The following TAFA1 variants were observed in gnomAD, a reference collection of about 807,000 sequenced individuals.
TAFA1 encodes chemokine-like protein TAFA-1.
In TAFA1, 4 loss-of-function variants were observed where a neutral mutation model predicts 18.5. That is an observed-to-expected ratio of 0.22 (90% confidence interval 0.11 to 0.49). The LOEUF is 0.49. Among genes scored for constraint, TAFA1 ranks in the 20% least tolerant of loss-of-function variants. The pLI, the probability that TAFA1 is intolerant of heterozygous loss-of-function variation, is 0.98. For synonymous variants in TAFA1, 56 were observed against 55.2 expected, an observed-to-expected ratio of 1.01 and a Z score of -0.06; for missense variants, 147 against 169.0, an observed-to-expected ratio of 0.87 and a Z score of 0.72.
rs1169442128 is a variant in TAFA1 at position 68,113,888 on chromosome 3, G to GTTTTT, written c.118+107148_118+107152dup. 4.0e-4 allele frequency among the ~76,000 whole-genome samples: 23 copies of GTTTTT among 57,880 alleles called. 6 individuals carry two copies. Among genetic ancestry groups the GTTTTT allele is most frequent in the East Asian group, 1.2e-3 (2 of 1,634 alleles). 38.0% of individuals were successfully genotyped at this position (57,880 alleles called of 152,430 possible). On this transcript the variant is annotated intron_variant, in intron 2 of 4. Coordinates refer to ENST00000478136, the MANE Select transcript of TAFA1 (RefSeq NM_213609.4). The stretch of plus-strand genomic sequence containing the variant: ...TGACAGTGTGACAGTTTGGGGTGTA[G>GTTTTT]TTTTTTTTGTTTTTTTTTTTTTTTT...
intron 2 of TAFA1, among the ~76,000 whole-genome samples, chr3:68,316,742 C>T (rs1039295274): frequency 6.6e-6 from 1 of 152,112 alleles, no homozygotes; most frequent in Non-Finnish European, 1.5e-5. Context: ...CAGTGTCTGC[C>T]ACATAGTAGG....
chr3:68,170,512 T>C (rs567414766), intron 2 of TAFA1, among the ~76,000 whole-genome samples: 40 of 152,290 alleles, frequency 2.6e-4, no homozygotes, highest in Admixed American at 1.3e-3. Flanking sequence ...AACTGGGATA[T>C]GAGATATCCA....
chr3:68,252,235 C>G (rs2067210370), intron 2 of TAFA1, among the ~76,000 whole-genome samples: 1 of 152,138 alleles, frequency 6.6e-6, no homozygotes, highest in Non-Finnish European at 1.5e-5. Context: ...GCTCCTGCTA[C>G]TATTCAGGTT....
Position 68,470,513 on chromosome 3 carries a change from T to A in TAFA1, c.259+53093T>A, listed in dbSNP as rs144341627. ...TGAATGTCTTTGCATAAAATGCTGA[T>A]AGTGATATGGACATTAAAGTTCAGG... On this transcript the variant is annotated intron_variant, in intron 3 of 4. Transcript: ENST00000478136. 1.2e-3 allele frequency among the ~76,000 whole-genome samples: 183 copies of A among 152,294 alleles called. 5 individuals carry two copies. The East Asian group carries it at 0.033, about 28-fold the overall frequency.
intron 2 of TAFA1, among the ~76,000 whole-genome samples, chr3:68,179,827 C>T (rs1319720519): frequency 1.3e-5 from 2 of 151,926 alleles, no homozygotes; most frequent in East Asian, 3.9e-4. Flanking sequence ...TGAATGCATG[C>T]TCCTGAAATT....
intron 2 of TAFA1, among the ~76,000 whole-genome samples, chr3:68,262,794 A>C (rs1288344482): frequency 6.6e-6 from 1 of 152,138 alleles, no homozygotes; most frequent in African/African-American, 2.4e-5. Flanking sequence ...TTGTGTATAT[A>C]CCCAGTAATG....
intron 2 of TAFA1, among the ~76,000 whole-genome samples, chr3:68,168,120 T>C (rs2066007133): frequency 8.2e-6 from 1 of 121,854 alleles, no homozygotes; most frequent in African/African-American, 3.0e-5. Context: ...TGTTTATTTG[T>C]CCTAATAAGC....
At chr3:68,518,861 A>G (rs56207105) in intron 3 of TAFA1, among the ~76,000 whole-genome samples, 3 of 152,344 alleles carry the variant, frequency 2.0e-5, no homozygotes, top group African/African-American at 7.2e-5. Flanking sequence ...ATGTCAGATG[A>G]GTACAACACT....
chr3:68,311,725 T>C (rs1039523464), intron 2 of TAFA1, among the ~76,000 whole-genome samples: 1 of 152,176 alleles, frequency 6.6e-6, no homozygotes, highest in African/African-American at 2.4e-5. Flanking sequence ...TCAGAAACTG[T>C]TGTTGAGTGT....
chr3:68,089,773 C>T (rs1279231445), intron 2 of TAFA1, among the ~76,000 whole-genome samples: 1 of 152,138 alleles, frequency 6.6e-6, no homozygotes, highest in African/African-American at 2.4e-5. Context: ...ATAATTCAGC[C>T]ATCTGTATTT....
chr3:68,383,691 C>T (rs573826142), intron 2 of TAFA1, among the ~76,000 whole-genome samples: 1 of 152,178 alleles, frequency 6.6e-6, no homozygotes, highest in Admixed American at 6.5e-5. Flanking sequence ...ATGATGCTTA[C>T]CACATAGAAT....
intron 3 of TAFA1, among the ~76,000 whole-genome samples, chr3:68,469,254 A>C (rs2106942824): frequency 6.6e-6 from 1 of 152,304 alleles, no homozygotes; most frequent in African/African-American, 2.4e-5. Context: ...TATTGAAAGA[A>C]GAAATTTGAC....
At chr3:68,422,430 C>T (rs2070973307) in intron 3 of TAFA1, among the ~76,000 whole-genome samples, 2 of 152,050 alleles carry the variant, frequency 1.3e-5, no homozygotes, top group Non-Finnish European at 2.9e-5. Flanking sequence ...AGTGAATTTC[C>T]CATGGTAAGT....
At chr3:68,039,398 C>T (rs1461530741) in intron 2 of TAFA1, among the ~76,000 whole-genome samples, 1 of 152,094 alleles carries the variant, frequency 6.6e-6, no homozygotes, top group Admixed American at 6.6e-5. Flanking sequence ...AATCAACTTT[C>T]TGTGCAAGGA....
chr3:68,117,286 A>T (rs2065335824), intron 2 of TAFA1, among the ~76,000 whole-genome samples: 1 of 152,138 alleles, frequency 6.6e-6, no homozygotes, highest in African/African-American at 2.4e-5. Context: ...TTTACGCAAA[A>T]CTTCTCAGGA....
chr3:68,134,139 A>G (rs2065578679), intron 2 of TAFA1, among the ~76,000 whole-genome samples: 2 of 151,974 alleles, frequency 1.3e-5, no homozygotes, highest in African/African-American at 2.4e-5. Flanking sequence ...TAGAGAGGAA[A>G]GCCTTCTAGA....
intron 3 of TAFA1, among the ~76,000 whole-genome samples, chr3:68,438,567 C>A (rs1037495989): frequency 6.6e-6 from 1 of 152,018 alleles, no homozygotes; most frequent in Non-Finnish European, 1.5e-5. Flanking sequence ...TCCCATGGCT[C>A]CATTAGGCAT....
At chr3:68,480,978 T>C (rs776471343) in intron 3 of TAFA1, among the ~76,000 whole-genome samples, 3 of 152,092 alleles carry the variant, frequency 2.0e-5, no homozygotes, top group Non-Finnish European at 4.4e-5. Context: ...CTCTCTTCCC[T>C]GCCGTCATGT....
At chr3:68,032,919 G>A (rs973982519) in intron 2 of TAFA1, among the ~76,000 whole-genome samples, 3 of 152,048 alleles carry the variant, frequency 2.0e-5, no homozygotes, top group Admixed American at 2.0e-4. Context: ...TCCTACTCCT[G>A]TTCAACTTGT....
Sources: gnomAD v4.1 joint callset for allele counts (sites outside exome capture counted in the v4.1 genomes callset) on GRCh38, gnomAD v4.1.1 for gene constraint, MANE v1.5 for transcripts, NCBI Gene and HGNC (gene_info 2026-07-23, HGNC 2026-07-21) for gene names.